MROH9: variants seen among roughly 807,000 people sequenced by gnomAD.
MROH9 encodes the protein maestro heat like repeat family member 9.
Under a neutral mutation model 98.2 loss-of-function variants are expected in MROH9, and 92 were observed. That is an observed-to-expected ratio of 0.94 (90% CI 0.79 to 1.11). The LOEUF is 1.11. MROH9 is among the 50% of genes most tolerant of loss of function. MROH9 has a pLI of 0.00. For synonymous variants in MROH9, 397 were observed against 368.9 expected (o/e 1.08, Z -0.87); for missense variants, 1,057 against 1,014.8 (o/e 1.04, Z -0.57).
At chr1:170,957,143 T>C (rs1472017868) in intron 3 of MROH9, among the ~76,000 whole-genome samples, 1 of 152,166 alleles carries the variant, frequency 6.6e-6, no homozygotes, top group Non-Finnish European at 1.5e-5. Flanking sequence ...TTATTAATTG[T>C]TCTCTTTGCT....
At chr1:171,026,978 C>G (rs766694371) in intron 20 of MROH9, among the ~76,000 whole-genome samples, 1 of 152,002 alleles carries the variant, frequency 6.6e-6, no homozygotes, top group Non-Finnish European at 1.5e-5. Flanking sequence ...AAATTACAAC[C>G]AGCAAAAGAG....
At chr1:171,062,497 T>C (rs1016518160) in intron 21 of MROH9, among the ~76,000 whole-genome samples, 3 of 152,214 alleles carry the variant, frequency 2.0e-5, no homozygotes, top group Non-Finnish European at 4.4e-5. Flanking sequence ...TGAAAACTCA[T>C]TTACTCATTC....
intron 15 of MROH9, among the ~76,000 whole-genome samples, chr1:171,005,317 C>G (rs1262789362): frequency 1.3e-5 from 2 of 152,108 alleles, no homozygotes; most frequent in Non-Finnish European, 2.9e-5. Flanking sequence ...GTGATCCACC[C>G]AACTTGGCTT....
chr1:171,017,139 G>A (rs1030495378), intron 17 of MROH9, among the ~76,000 whole-genome samples: 1 of 152,192 alleles, frequency 6.6e-6, no homozygotes, highest in Admixed American at 6.5e-5. Flanking sequence ...GTGGCTTAAA[G>A]GGGCGGGGGC....
At chr1:171,043,830 A>T (rs1653380698) in intron 20 of MROH9, among the ~76,000 whole-genome samples, 1 of 152,074 alleles carries the variant, frequency 6.6e-6, no homozygotes, top group Non-Finnish European at 1.5e-5. Flanking sequence ...TTTGTATTTT[A>T]CAACTTTACT....
intron 20 of MROH9, among the ~76,000 whole-genome samples, chr1:171,055,829 G>C (rs1440048538): frequency 6.6e-6 from 1 of 152,098 alleles, no homozygotes. Context: ...CATCAGAACT[G>C]ACCAGGCAGC....
intron 20 of MROH9, among the ~76,000 whole-genome samples, chr1:171,039,273 AT>A (rs561056308): frequency 1.1e-4 from 17 of 152,328 alleles, no homozygotes; most frequent in African/African-American, 3.6e-4. Context: ...GTAACATTGT[AT>A]TTATGAAATA....
intron 11 of MROH9, among the ~76,000 whole-genome samples, chr1:170,991,583 G>C (rs1651356470): frequency 6.6e-6 from 1 of 152,068 alleles, no homozygotes; most frequent in Non-Finnish European, 1.5e-5. Context: ...AGAGTGTCGA[G>C]TATATAGGAA....
chr1:170,976,871 C>T (rs1650717360), intron 8 of MROH9, among the ~76,000 whole-genome samples: 1 of 152,092 alleles, frequency 6.6e-6, no homozygotes, highest in African/African-American at 2.4e-5. Context: ...ATGCCAATAA[C>T]ACATAGAATT....
At chr1:171,026,725 T>G (rs531520433) in intron 20 of MROH9, among the ~76,000 whole-genome samples, 5 of 152,280 alleles carry the variant, frequency 3.3e-5, no homozygotes, top group African/African-American at 1.2e-4. Context: ...ACAGAGGTAC[T>G]TCAAGGGAAA....
chr1:171,040,276 A>G (rs1653255080), intron 20 of MROH9, among the ~76,000 whole-genome samples: 1 of 152,112 alleles, frequency 6.6e-6, no homozygotes, highest in Non-Finnish European at 1.5e-5. Context: ...GTTATGTAAG[A>G]TAAATCTAGA....
At position 170,971,858 on chromosome 1, in the gene MROH9, C is replaced by T; in HGVS notation, c.591C>T (p.Leu197=). The T allele has an allele frequency of 6.2e-7, 1 of 1,614,058 alleles. No homozygotes were observed. Among genetic ancestry groups the T allele is most frequent in the East Asian group, 2.2e-5 (1 of 44,872 alleles). Residue 197 remains leucine, a synonymous_variant, in exon 8 of 22, where the codon CTC becomes CTT. Coordinates refer to ENST00000367759, the MANE Select transcript of MROH9 (RefSeq NM_001163629.2). ...AAGCATCATTGGGAATGTGTCACCT[C>T]CTCTACATTGCACGGTGTCAGAACG... ...VKQASLGMCH[L]LYIARCQNDI... is the part of the protein sequence containing the mutation.
intron 6 of MROH9, among the ~76,000 whole-genome samples, chr1:170,963,254 A>C (rs1344317902): frequency 6.6e-6 from 1 of 152,212 alleles, no homozygotes; most frequent in Non-Finnish European, 1.5e-5. Context: ...ATGATTAAAG[A>C]AATGCAAATC....
intron 20 of MROH9, among the ~76,000 whole-genome samples, chr1:171,026,381 T>C (rs1172260857): frequency 6.6e-6 from 1 of 151,882 alleles, no homozygotes; most frequent in Non-Finnish European, 1.5e-5. Flanking sequence ...TTCAAGCGAC[T>C]CTCCTGCTTC....
intron 20 of MROH9, among the ~76,000 whole-genome samples, chr1:171,043,962 T>C (rs902667724): frequency 6.6e-6 from 1 of 152,202 alleles, no homozygotes; most frequent in Non-Finnish European, 1.5e-5. Flanking sequence ...CCTTTATATC[T>C]TTCTCTTATC....
intron 17 of MROH9, among the ~76,000 whole-genome samples, chr1:171,023,225 A>C (rs1417311648): frequency 6.6e-6 from 1 of 152,168 alleles, no homozygotes; most frequent in African/African-American, 2.4e-5. Context: ...GTCTCTAATA[A>C]AATATAAATA....
chr1:170,953,753 A>G (rs1287675368), intron 3 of MROH9, among the ~76,000 whole-genome samples: 1 of 150,156 alleles, frequency 6.7e-6, no homozygotes, highest in Non-Finnish European at 1.5e-5. Flanking sequence ...AAAAGAAAAG[A>G]AAAGAAAGAG....
At chr1:171,027,165 C>T (rs542572321) in intron 20 of MROH9, among the ~76,000 whole-genome samples, 29 of 150,942 alleles carry the variant, frequency 1.9e-4, no homozygotes, top group African/African-American at 6.5e-4. Flanking sequence ...CATGGTGGTT[C>T]GCTGCCCCTA....
At chr1:171,017,359 AC>A (rs1652358633) in intron 17 of MROH9, among the ~76,000 whole-genome samples, 1 of 152,058 alleles carries the variant, frequency 6.6e-6, no homozygotes, top group African/African-American at 2.4e-5. Context: ...GGGAGCCCCC[AC>A]CCCCAGCCAA....
Sources: allele counts gnomAD v4.1 joint callset (sites outside exome capture counted in the v4.1 genomes callset), GRCh38; gene constraint gnomAD v4.1.1; transcripts MANE v1.5; gene names NCBI Gene and HGNC (gene_info 2026-07-23, HGNC 2026-07-21).